GSDME: variants seen among roughly 807,000 people sequenced by gnomAD.
The protein encoded by GSDME is gasdermin-E.
A neutral mutation model predicts 47.5 loss-of-function variants in GSDME; 44 were observed. The ratio of observed to expected loss-of-function variants is 0.93; its 90% CI spans 0.73 to 1.19. The LOEUF is 1.19. Among genes scored for constraint, GSDME ranks in the 50% most tolerant of loss-of-function variants. GSDME has a pLI of 0.00. For synonymous variants in GSDME, 258 were observed against 252.8 expected, an observed-to-expected ratio of 1.02 and a Z score of -0.20; for missense variants, 663 against 604.2, an observed-to-expected ratio of 1.10 and a Z score of -1.02.
intron 1 of GSDME, among the ~76,000 whole-genome samples, chr7:24,750,254 A>G (rs1790812965): frequency 6.6e-6 from 1 of 152,234 alleles, no homozygotes; most frequent in African/African-American, 2.4e-5. Flanking sequence ...CAGATCGTTT[A>G]TAACTTGTCA....
intron 8 of GSDME, chr7:24,703,748 C>G (rs1311134238): frequency 6.6e-6 from 1 of 152,420 alleles, no homozygotes; most frequent in Non-Finnish European, 1.5e-5. Flanking sequence ...GGGGCAGCAG[C>G]CAGGGGGATG....
chr7:24,781,128 T>C, the GSDME span, among the ~76,000 whole-genome samples: 1 of 152,228 alleles, frequency 6.6e-6, no homozygotes, highest in Non-Finnish European at 1.5e-5. Flanking sequence ...AATCTTCCTC[T>C]CTGGTCCCTT....
At position 24,699,186 on chromosome 7, in the gene GSDME, C is replaced by A. The variant is rs780683974; in HGVS notation, c.1331G>T (p.Arg444Met). 14 of 1,614,188 alleles carry A rather than the reference C, an allele frequency of 8.7e-6. No individual in the cohort carries two copies. In the Middle Eastern group the frequency reaches 4.9e-4, roughly 57 times the overall value. Residue 444 changes from arginine (R) to methionine (M), a missense_variant, in exon 10 of 10, where the codon AGG (arginine) becomes ATG (methionine). Arg to Met is a moderately conservative substitution (Grantham distance 91). Coordinates refer to ENST00000645220, the MANE Select transcript of GSDME (RefSeq NM_001127453.2). ...PTLTPLKDTE[R>M]FGIVQRLFAS... ...AAACAAGCGCTGCACAATCCCAAACCTTTCTGTATCTTTCAGGGGAGTCAA... is the reference window on the plus strand; with the variant it reads ...AAACAAGCGCTGCACAATCCCAAACATTTCTGTATCTTTCAGGGGAGTCAA...
rs1397672497 is a variant in GSDME, at chr7:24,699,057, C to A, written c.1460G>T (p.Gly487Val). The change falls in exon 10 of 10, where the codon GGA becomes GTA. Residue 487 changes from glycine (G) to valine (V), a missense_variant. Transcript: ENST00000645220. ...ATGTTCTCTGCCTAAAGCACAGAGT[C>A]CATTCAGGGTTATACAAAGAAGCAG... ...FPLLLCITLNGLCALGREHS is the reference protein window; with the variant it reads ...FPLLLCITLNVLCALGREHS The A allele has an allele frequency of 1.2e-6, 2 of 1,613,396 alleles. No homozygotes were observed. The highest frequency in any genetic ancestry group is 2.2e-5 in the South Asian group (2 of 91,042).
In GSDME at chr7:24,744,955, C is replaced by T. The variant is rs1408936621; in HGVS notation, c.212-201G>A. Among the ~76,000 whole-genome samples the T allele has an allele frequency of 1.3e-5, 1 of 75,906 alleles. No individual in the cohort carries two copies. The highest frequency in any genetic ancestry group is 4.8e-5 in the African/African-American group (1 of 20,714). The allele number at this position is 75,906 out of a possible 152,430, so 49.8% of individuals were successfully genotyped here. A position where few individuals can be genotyped will look rare whatever the true frequency, so the allele number is the denominator to read the frequency against. ...GTGTGTGTGTGTGTGTGTGTGTGGA[C>T]CGCGGGCACACAGTGGACCAGTGCA... On this transcript the variant is annotated intron_variant, in intron 2 of 9. Coordinates refer to ENST00000645220, the MANE Select transcript of GSDME (RefSeq NM_001127453.2). This position sits in a 1 kb window ranked among gnomAD's most constrained non-coding sequence, Gnocchi z 4.5.
Position 24,721,343 on chromosome 7 carries a change from G to T in GSDME, c.405-2125C>A, listed in dbSNP as rs768421038. On this transcript the variant is annotated intron_variant, in intron 3 of 9. Transcript: ENST00000645220. The surrounding 1 kb of genome is among the most constrained non-coding windows in gnomAD (Gnocchi z 4.1). ...TTCAAATTATAAAAATGTCTCACAC[G>T]TGATAAAAATACATTGATGACAACC... 1.1e-4 allele frequency among the ~76,000 whole-genome samples: 16 copies of T among 152,186 alleles called. No homozygotes were observed. The highest frequency in any genetic ancestry group is 2.1e-4 in the Non-Finnish European group (14 of 68,038).
the GSDME span, among the ~76,000 whole-genome samples, chr7:24,769,429 C>T: frequency 5.3e-5 from 8 of 152,262 alleles, no homozygotes; most frequent in South Asian, 6.2e-4. Context: ...TGAAACATGC[C>T]AGAGCATTCT....
the GSDME span, among the ~76,000 whole-genome samples, chr7:24,774,621 C>T: frequency 6.6e-6 from 1 of 152,054 alleles, no homozygotes; most frequent in Non-Finnish European, 1.5e-5. Context: ...CAACCTCTGC[C>T]TCCCAGGTTC....
Position 24,714,841 on chromosome 7 carries a change from TC to T in GSDME, c.697+2412del, listed in dbSNP as rs1789486948. Among the ~76,000 whole-genome samples, 1 of 151,906 alleles carries T rather than the reference TC, an allele frequency of 6.6e-6. No individual in the cohort carries two copies. The highest frequency in any genetic ancestry group is 1.5e-5 in the Non-Finnish European group (1 of 67,954). ...CCTAGAGTGGCAGCCCAGGCCTGGG[TC>T]CCCGCCACCGAAGGGTCCGCAGAGC... On this transcript the variant is annotated intron_variant, in intron 5 of 9. Coordinates refer to ENST00000645220, the MANE Select transcript of GSDME (RefSeq NM_001127453.2). The surrounding 1 kb of genome is among the most constrained non-coding windows in gnomAD (Gnocchi z 5.0).
chr7:24,775,807 G>A, the GSDME span, among the ~76,000 whole-genome samples: 6 of 135,670 alleles, frequency 4.4e-5, no homozygotes, highest in African/African-American at 1.7e-4. Flanking sequence ...CCCAGGAGGT[G>A]GAAGTTGCAG....
rs1741504041 is a variant in GSDME at position 24,719,110 on chromosome 7, AG to A, written c.512del (p.Ser171LeufsTer56). ...KITTMQKCVISEHMQVEEKCG... is the reference protein window; with the variant it reads ...KITTMQKCVIXEHMQVEEKCG... ...ACTTCTCCTCGACCTGCATGTGCTC[AG>A]AGATCACACACTTCTGCATCGTCGT... is the stretch of plus-strand genomic sequence containing the variant. On this transcript the variant is annotated frameshift_variant, in exon 4 of 10. Transcript: ENST00000645220. LOFTEE classifies it high-confidence loss of function. 2 of 1,613,756 alleles carry A rather than the reference AG, an allele frequency of 1.2e-6. No individual in the cohort carries two copies. Among genetic ancestry groups the A allele is most frequent in the South Asian group, 2.2e-5 (2 of 91,078 alleles).
In GSDME at chr7:24,710,244, G is replaced by A. The variant is rs988435924; in HGVS notation, c.842C>T (p.Pro281Leu). ...AATACCTTGCTTTAAAACACTTAAT[G>A]GTCCATCCTGGGAAGATATCCCATG... ...AAHGISSQDG[P>L]LSVLKQATLL... The change falls in exon 6 of 10, where the codon CCA (proline) becomes CTA (leucine). Residue 281 changes from proline (P) to leucine (L), a missense_variant. By Grantham distance (98) the Pro-to-Leu change is moderately conservative (BLOSUM62 -3). Coordinates refer to ENST00000645220, the MANE Select transcript of GSDME (RefSeq NM_001127453.2). The A allele has an allele frequency of 3.1e-6, 5 of 1,613,902 alleles. No homozygotes were observed. The highest frequency in any genetic ancestry group is 4.2e-6 in the Non-Finnish European group (5 of 1,180,050).
At position 24,756,957 on chromosome 7, in the gene GSDME, C is replaced by A. The variant is rs1791040347; in HGVS notation, c.-20+439G>T. On this transcript the variant is annotated intron_variant, in intron 1 of 9. Transcript: ENST00000645220. This position sits in a 1 kb window ranked among gnomAD's most constrained non-coding sequence, Gnocchi z 4.2. ...TCCGCGGTCCGCCTCCCTGCACACACGCCCCCGAGCCGGGAGAGCCTCCGC... is the reference window on the plus strand; with the variant it reads ...TCCGCGGTCCGCCTCCCTGCACACAAGCCCCCGAGCCGGGAGAGCCTCCGC... Among the ~76,000 whole-genome samples the A allele has an allele frequency of 6.6e-6, 1 of 152,140 alleles. No homozygotes were observed. The highest frequency in any genetic ancestry group is 2.1e-4 in the South Asian group (1 of 4,832).
chr7:24,711,643 C>T (rs574265008), intron 5 of GSDME, among the ~76,000 whole-genome samples: 34 of 151,942 alleles, frequency 2.2e-4, no homozygotes, highest in African/African-American at 8.0e-4. Flanking sequence ...AGTGAGACCC[C>T]GTCTCTACAA....
At chr7:24,713,290 C>A (rs1789427597) in intron 5 of GSDME, among the ~76,000 whole-genome samples, 1 of 151,956 alleles carries the variant, frequency 6.6e-6, no homozygotes, top group Non-Finnish European at 1.5e-5. Context: ...AGAGGGACGG[C>A]GCCTCTCCCC....
rs946692521 is a variant in GSDME at position 24,756,924 on chromosome 7, G to A, written c.-20+472C>T. ...TTTCCGTCCAGAGAGACTGAACTCC[G>A]TATCTGTTCCGCGGTCCGCCTCCCT... is the stretch of plus-strand genomic sequence containing the variant. On this transcript the variant is annotated intron_variant, in intron 1 of 9. Transcript: ENST00000645220. This position sits in a 1 kb window ranked among gnomAD's most constrained non-coding sequence, Gnocchi z 4.2. 3.3e-5 allele frequency among the ~76,000 whole-genome samples: 5 copies of A among 151,956 alleles called. No homozygotes were observed. In the South Asian group the frequency reaches 1.0e-3, roughly 32 times the overall value.
chr7:24,772,212 C>T, the GSDME span, among the ~76,000 whole-genome samples: 331 of 152,308 alleles, frequency 2.2e-3, 4 homozygotes, highest in Middle Eastern at 0.01. The surrounding 1 kb of genome is among the most constrained non-coding windows in gnomAD (Gnocchi z 4.5). Flanking sequence ...TGAGTGCCTT[C>T]CATAGGGGCT....
chr7:24,762,510 C>T (rs143910887), upstream of GSDME, among the ~76,000 whole-genome samples: 5 of 151,554 alleles, frequency 3.3e-5, no homozygotes, highest in African/African-American at 1.2e-4. Context: ...TGAGCTATAC[C>T]CAGCATAGAG....
the GSDME span, among the ~76,000 whole-genome samples, chr7:24,767,983 A>G: frequency 6.6e-6 from 1 of 152,212 alleles, no homozygotes; most frequent in Non-Finnish European, 1.5e-5. The surrounding 1 kb of genome is among the most constrained non-coding windows in gnomAD (Gnocchi z 5.3). Context: ...GTTCTCACCC[A>G]TTAATAAATT....
Sources: gnomAD v4.1 joint callset for allele counts (sites outside exome capture counted in the v4.1 genomes callset) on GRCh38, gnomAD v4.1.1 for gene constraint, Gnocchi (gnomAD v3.1) non-coding constraint, MANE v1.5 for transcripts, NCBI Gene and HGNC (gene_info 2026-07-23, HGNC 2026-07-21) for gene names.